LRFN5: variants seen among roughly 807,000 people sequenced by gnomAD.
The protein encoded by LRFN5 is leucine rich repeat and fibronectin type III domain containing 5, also known as leucine-rich repeat and fibronectin type-III domain-containing protein 5.
In LRFN5, 24 loss-of-function variants were observed where a neutral mutation model predicts 45.6. That is an observed-to-expected ratio of 0.53 (90% confidence interval 0.38 to 0.74). The LOEUF is 0.74. Ranked by LOEUF, LRFN5 falls within the 30% of genes least tolerant of loss-of-function variation. The pLI is 0.00. For synonymous variants in LRFN5, 340 were observed against 313.8 expected (o/e 1.08, Z -0.88); for missense variants, 776 against 861.5 (o/e 0.90, Z 1.24).
At chr14:41,774,268 A>G (rs575443051) in intron 2 of LRFN5, among the ~76,000 whole-genome samples, 2 of 152,214 alleles carry the variant, frequency 1.3e-5, no homozygotes, top group Non-Finnish European at 2.9e-5. Context: ...TGAGCAATCT[A>G]TTTTGTGAAT....
intron 1 of LRFN5, among the ~76,000 whole-genome samples, chr14:41,673,842 G>C (rs768889821): frequency 6.9e-6 from 1 of 145,578 alleles, no homozygotes; most frequent in Admixed American, 6.7e-5. Context: ...ATGGCCGGGC[G>C]GGGGGCTGAA....
rs1011177944 is a variant in LRFN5 at position 41,683,200 on chromosome 14, T to C, written c.-197+74638T>C. ...CAATCAATGTGATACATCGTATCAA[T>C]AGAATGAAGGAAAAAATCCATATGA... On this transcript the variant is annotated intron_variant, in intron 1 of 5. Coordinates refer to ENST00000298119, the MANE Select transcript of LRFN5 (RefSeq NM_152447.5). Among the ~76,000 whole-genome samples the C allele has an allele frequency of 5.3e-5, 8 of 152,170 alleles. No homozygotes were observed. The South Asian group carries it at 6.2e-4, about 12-fold the overall frequency.
intron 1 of LRFN5, among the ~76,000 whole-genome samples, chr14:41,710,207 G>A (rs1475114644): frequency 1.3e-5 from 2 of 152,054 alleles, no homozygotes; most frequent in Non-Finnish European, 2.9e-5. Context: ...AATACTGCAA[G>A]AAAGTATCAA....
intron 2 of LRFN5, among the ~76,000 whole-genome samples, chr14:41,782,198 A>G (rs1886553104): frequency 1.3e-5 from 2 of 151,270 alleles, no homozygotes; most frequent in Admixed American, 6.6e-5. Context: ...AAGACCTTGG[A>G]TATTCCGTTT....
chr14:41,758,160 G>A (rs936448453), intron 1 of LRFN5, among the ~76,000 whole-genome samples: 1 of 152,058 alleles, frequency 6.6e-6, no homozygotes, highest in African/African-American at 2.4e-5. Context: ...TGCAGTGCTT[G>A]CCAGATTTCC....
chr14:41,630,061 T>C (rs902888857), intron 1 of LRFN5, among the ~76,000 whole-genome samples: 2 of 152,136 alleles, frequency 1.3e-5, no homozygotes, highest in Non-Finnish European at 2.9e-5. Context: ...GCTTAAGATA[T>C]TGTCAACATG....
At chr14:41,623,326 A>G (rs1400335273) in intron 1 of LRFN5, among the ~76,000 whole-genome samples, 2 of 152,044 alleles carry the variant, frequency 1.3e-5, no homozygotes, top group African/African-American at 4.8e-5. Flanking sequence ...CTTTCCCGTA[A>G]CTTTCCACCA....
chr14:41,681,601 G>GA (rs1881884687), intron 1 of LRFN5, among the ~76,000 whole-genome samples: 1 of 151,580 alleles, frequency 6.6e-6, no homozygotes, highest in African/African-American at 2.4e-5. Context: ...AAAGCCAAGG[G>GA]ATTTCATAAA....
chr14:41,655,865 G>A (rs1279076059), intron 1 of LRFN5, among the ~76,000 whole-genome samples: 2 of 151,990 alleles, frequency 1.3e-5, no homozygotes, highest in East Asian at 3.9e-4. Context: ...TTGAGATGAT[G>A]ATAAGGATTA....
intron 1 of LRFN5, among the ~76,000 whole-genome samples, chr14:41,650,362 G>A (rs985596742): frequency 2.6e-5 from 4 of 151,866 alleles, no homozygotes; most frequent in Admixed American, 1.3e-4. Flanking sequence ...AGACCAATGA[G>A]GATATGGTGA....
chr14:41,811,439 G>A (rs1204474607), intron 2 of LRFN5, among the ~76,000 whole-genome samples: 1 of 151,996 alleles, frequency 6.6e-6, no homozygotes, highest in Non-Finnish European at 1.5e-5. Context: ...CAAGAGAGGT[G>A]AAAACATATA....
In LRFN5 at chr14:41,738,388, C is replaced by T. The variant is rs564483033; in HGVS notation, c.-196-28466C>T. 7.2e-5 allele frequency among the ~76,000 whole-genome samples: 11 copies of T among 152,156 alleles called. No homozygotes were observed. In the South Asian group the frequency reaches 2.1e-3, roughly 29 times the overall value. ...TTAAATGTAAGACCTAAAACCATAA[C>T]AACCCTGGAAGAAAACCTAGGCAAT... On this transcript the variant is annotated intron_variant, in intron 1 of 5. Transcript: ENST00000298119.
chr14:41,757,037 G>T (rs1885423425), intron 1 of LRFN5, among the ~76,000 whole-genome samples: 1 of 152,162 alleles, frequency 6.6e-6, no homozygotes, highest in Non-Finnish European at 1.5e-5. Flanking sequence ...GATCCTGTTT[G>T]CCTGGGTATC....
At chr14:41,874,905 A>G (rs184311328) in intron 2 of LRFN5, among the ~76,000 whole-genome samples, 50 of 152,276 alleles carry the variant, frequency 3.3e-4, no homozygotes, top group African/African-American at 1.2e-3. Flanking sequence ...AAGGAGAAAA[A>G]GCCCCTTATA....
chr14:41,747,502 AAC>A (rs1377035148), intron 1 of LRFN5, among the ~76,000 whole-genome samples: 3 of 152,060 alleles, frequency 2.0e-5, no homozygotes, highest in African/African-American at 7.2e-5. Context: ...ACCTTTACAT[AAC>A]ACCATATACA....
Position 41,872,834 on chromosome 14 carries a change from A to C in LRFN5, c.-20-13772A>C, listed in dbSNP as rs138982306. 3.4e-3 allele frequency among the ~76,000 whole-genome samples: 517 copies of C among 152,378 alleles called. 5 individuals carry two copies. Among genetic ancestry groups the C allele is most frequent in the African/African-American group, 0.012 (491 of 41,602 alleles). ...TCTAAAGAAGGGACAAGTGGATATT[A>C]GAAACGCAACTAGTACTTTCTCATA... On this transcript the variant is annotated intron_variant, in intron 2 of 5. Coordinates refer to ENST00000298119, the MANE Select transcript of LRFN5 (RefSeq NM_152447.5).
At chr14:41,785,497 G>A (rs1480629716) in intron 2 of LRFN5, among the ~76,000 whole-genome samples, 1 of 151,974 alleles carries the variant, frequency 6.6e-6, no homozygotes, top group Non-Finnish European at 1.5e-5. Context: ...TCCTTTAAAT[G>A]ATACTATACT....
chr14:41,791,663 T>C (rs542421727), intron 2 of LRFN5, among the ~76,000 whole-genome samples: 17 of 152,230 alleles, frequency 1.1e-4, no homozygotes, highest in Non-Finnish European at 1.5e-4. Flanking sequence ...ACAGTATCAC[T>C]GATTAACTGT....
rs543462241 is a variant in LRFN5, at chr14:41,850,861, G to T, written c.-20-35745G>T. Among the ~76,000 whole-genome samples the T allele has an allele frequency of 2.0e-5, 3 of 151,502 alleles. No individual in the cohort carries two copies. In the South Asian group the frequency reaches 6.2e-4, roughly 31 times the overall value. On this transcript the variant is annotated intron_variant, in intron 2 of 5. Transcript: ENST00000298119. ...TCTTAGCAAAACAATTTATAACTTTGTTATCCAAATGTAATTGTAGTATTT... is the reference window on the plus strand; with the variant it reads ...TCTTAGCAAAACAATTTATAACTTTTTTATCCAAATGTAATTGTAGTATTT...
Sources: allele counts gnomAD v4.1 joint callset (sites outside exome capture counted in the v4.1 genomes callset), GRCh38; gene constraint gnomAD v4.1.1; transcripts MANE v1.5; gene names NCBI Gene and HGNC (gene_info 2026-07-23, HGNC 2026-07-21).